The following ECT2L variants were observed in gnomAD, a reference collection of about 807,000 sequenced individuals.
ECT2L encodes epithelial cell-transforming sequence 2 oncogene-like.
A neutral mutation model predicts 122.8 loss-of-function variants in ECT2L; 126 were observed. The observed-to-expected ratio is 1.03, with a 90% CI of 0.89 to 1.19. ECT2L has a LOEUF of 1.19. ECT2L is among the 50% of genes most tolerant of loss of function. ECT2L has a pLI of 0.00. For missense variants in ECT2L, 1,012 were observed against 1,064.1 expected (o/e 0.95, Z 0.68); for synonymous variants, 385 against 381.8 (o/e 1.01, Z -0.10).
intron 4 of ECT2L, among the ~76,000 whole-genome samples, chr6:138,834,935 A>ACACACACTCTCT (rs5880405): frequency 0.015 from 2,149 of 142,730 alleles, 17 homozygotes; most frequent in Non-Finnish European, 0.018. Flanking sequence ...ACACACACAC[A>ACACACACTCTCT]CTCTCATTCT....
At chr6:138,848,929 A>G (rs1443235760) in intron 8 of ECT2L, among the ~76,000 whole-genome samples, 1 of 152,218 alleles carries the variant, frequency 6.6e-6, no homozygotes, top group Admixed American at 6.5e-5. Flanking sequence ...TGCTGGGATT[A>G]CAAGTGTAAG....
Position 138,813,269 on chromosome 6 carries a change from C to T in ECT2L, c.-6C>T. On this transcript the variant is annotated 5_prime_UTR_variant, in exon 3 of 22. Coordinates refer to ENST00000541398, the MANE Select transcript of ECT2L (RefSeq NM_001077706.3). ...AGCTGGGGATTCTTCCTGGAGAACT[C>T]CAGAAATGGAGAGCTTCCACACCAG... 1 of 1,606,792 alleles carries T rather than the reference C, an allele frequency of 6.2e-7. No homozygotes were observed.
At chr6:138,893,196 T>G (rs557367578) in intron 20 of ECT2L, among the ~76,000 whole-genome samples, 20 of 140,026 alleles carry the variant, frequency 1.4e-4, no homozygotes, top group East Asian at 4.5e-4. Context: ...TTTTTTTTTG[T>G]TTTTTTTTCC....
At chr6:138,885,604 A>G (rs753832856) in intron 17 of ECT2L, 25 bp downstream of exon 17, 23 of 1,614,008 alleles carry the variant, frequency 1.4e-5, no homozygotes, top group Non-Finnish European at 1.9e-5. Flanking sequence ...AGAGCACAGC[A>G]GGGGTCCCCC....
intron 1 of ECT2L, among the ~76,000 whole-genome samples, chr6:138,804,502 T>C (rs568995025): frequency 6.6e-6 from 1 of 152,200 alleles, no homozygotes; most frequent in African/African-American, 2.4e-5. Context: ...GAAACACAGC[T>C]CCCTTCCTTG....
At position 138,843,063 on chromosome 6, in the gene ECT2L, C is replaced by A; in HGVS notation, c.427C>A (p.Arg143Ser). ...AGATAATGAGTATGGTGCTTGGAAG[C>A]GCCATTACATTGCTTGTGTGTCCCA... ...PTDNEYGAWKRHYIACVSHLD... is the reference protein window; with the variant it reads ...PTDNEYGAWKSHYIACVSHLD... Residue 143 changes from arginine to serine, a missense_variant, in exon 6 of 22, where the codon CGC becomes AGC. Physicochemically the swap from Arg to Ser is moderately radical, Grantham distance 110. Coordinates refer to ENST00000541398, the MANE Select transcript of ECT2L (RefSeq NM_001077706.3). The A allele has an allele frequency of 6.2e-7, 1 of 1,613,628 alleles. No homozygotes were observed. The highest frequency in any genetic ancestry group is 8.5e-7 in the Non-Finnish European group (1 of 1,179,718).
intron 13 of ECT2L, 60 bp from the exon 14 acceptor site, chr6:138,876,409 GTAC>G (rs1778454061): frequency 8.5e-7 from 1 of 1,174,602 alleles, no homozygotes; most frequent in East Asian, 2.3e-5. Flanking sequence ...TGCGGGCACA[GTAC>G]TGAGTTTTCA....
intron 1 of ECT2L, among the ~76,000 whole-genome samples, chr6:138,810,859 G>A (rs9399256): frequency 0.22 from 32,754 of 152,060 alleles, 3,831 homozygotes; most frequent in South Asian, 0.34. Flanking sequence ...CTTGTGAATC[G>A]TTTTTAGCTC....
chr6:138,844,733 TAGTCAAACATGCCTTCTGA>T (rs2128390346), intron 7 of ECT2L, among the ~76,000 whole-genome samples, 153 bp downstream of exon 7: 1 of 152,166 alleles, frequency 6.6e-6, no homozygotes, highest in South Asian at 2.1e-4. Flanking sequence ...TCTAGAACAG[TAGTCAAACATGCCTTCTGA>T]AGAGGTAAAC....
chr6:138,859,819 T>C (rs993950601), intron 10 of ECT2L, among the ~76,000 whole-genome samples: 14 of 151,138 alleles, frequency 9.3e-5, no homozygotes, highest in African/African-American at 2.7e-4. Context: ...TCTTTTTTTT[T>C]TTCTTCTTTT....
At chr6:138,846,745 C>T in intron 8 of ECT2L, 68 bp downstream of exon 8, 1 of 1,361,662 alleles carries the variant, frequency 7.3e-7, no homozygotes, top group Non-Finnish European at 9.6e-7. Context: ...TTCATCTAGA[C>T]TAGAGGGTGT....
intron 13 of ECT2L, among the ~76,000 whole-genome samples, chr6:138,869,304 C>A (rs1347283764): frequency 1.3e-5 from 2 of 152,220 alleles, no homozygotes; most frequent in African/African-American, 4.8e-5. Context: ...CAAGGAGAGT[C>A]TCAAATCTTT....
chr6:138,825,207 G>A (rs1583560656), intron 4 of ECT2L, among the ~76,000 whole-genome samples: 2 of 152,184 alleles, frequency 1.3e-5, no homozygotes, highest in East Asian at 3.9e-4. Flanking sequence ...GTTCTATCTG[G>A]ATGGGACAGC....
intron 9 of ECT2L, among the ~76,000 whole-genome samples, chr6:138,849,831 G>T (rs1777370005): frequency 6.6e-6 from 1 of 152,116 alleles, no homozygotes; most frequent in Non-Finnish European, 1.5e-5. Context: ...TGGGATTACA[G>T]GGGTGAGCCA....
chr6:138,837,622 C>A (rs1230889029), intron 4 of ECT2L, among the ~76,000 whole-genome samples: 1 of 142,916 alleles, frequency 7.0e-6, no homozygotes, highest in Non-Finnish European at 1.5e-5. Context: ...AAATAAGTTT[C>A]TTCTAGAAGC....
At chr6:138,816,474 T>C (rs1475354502) in intron 4 of ECT2L, among the ~76,000 whole-genome samples, 1 of 152,166 alleles carries the variant, frequency 6.6e-6, no homozygotes, top group African/African-American at 2.4e-5. Context: ...TGAATGTTAG[T>C]ATAAATTTCC....
Position 138,880,814 on chromosome 6 carries a change from C to G in ECT2L, c.1666-143C>G, listed in dbSNP as rs73559410. The G allele has an allele frequency of 1.1e-3, 692 of 654,640 alleles. 3 individuals carry two copies. The highest frequency in any genetic ancestry group is 0.01 in the African/African-American group (578 of 55,394). 40.6% of individuals were successfully genotyped at this position (654,640 alleles called of 1,614,324 possible). ...GATGATACTAGGGACAAGTGATGGA[C>G]AGCGGGGTCCTCCGTAGCCCCCGTG... On this transcript the variant is annotated intron_variant, in intron 14 of 21. Transcript: ENST00000541398.
intron 5 of ECT2L, among the ~76,000 whole-genome samples, chr6:138,840,282 C>A (rs1350443351): frequency 6.6e-6 from 1 of 152,016 alleles, no homozygotes; most frequent in Non-Finnish European, 1.5e-5. Context: ...AATGCACCCA[C>A]GCAGTTCAAA....
In ECT2L at chr6:138,865,038, C is replaced by G; in HGVS notation, c.1334C>G (p.Ser445Cys). 1 of 1,613,962 alleles carries G rather than the reference C, an allele frequency of 6.2e-7. No individual in the cohort carries two copies. The highest frequency in any genetic ancestry group is 8.5e-7 in the Non-Finnish European group (1 of 1,179,990). The change falls in exon 12 of 22, where the codon TCT (serine) becomes TGT (cysteine). Residue 445 changes from serine (S) to cysteine (C), a missense_variant. Ser to Cys is a moderately radical substitution (Grantham distance 112, BLOSUM62 -1). Coordinates refer to ENST00000541398, the MANE Select transcript of ECT2L (RefSeq NM_001077706.3). ...WLGSQWGKAP[S>C]SIYFCESKLQ... is the part of the protein sequence containing the mutation. Reference sequence around the variant, plus strand: ...GGATCCCAATGGGGAAAGGCCCCCTCTTCCATCTACTTCTGCGAATCGAAG... The same window carrying G: ...GGATCCCAATGGGGAAAGGCCCCCTGTTCCATCTACTTCTGCGAATCGAAG...
Sources: gnomAD v4.1 joint callset for allele counts (sites outside exome capture counted in the v4.1 genomes callset) on GRCh38, gnomAD v4.1.1 for gene constraint, MANE v1.5 for transcripts, NCBI Gene and HGNC (gene_info 2026-07-23, HGNC 2026-07-21) for gene names.